Variants in ISM1 observed in about 807,000 individuals in gnomAD.
The protein encoded by ISM1 is isthmin-1.
In ISM1, 25 loss-of-function variants were observed where a neutral mutation model predicts 46.3. The ratio of observed to expected loss-of-function variants is 0.54; its 90% CI spans 0.39 to 0.75. ISM1 has a LOEUF of 0.75. ISM1 is among the 30% of genes least tolerant of loss of function. The pLI, the probability that ISM1 is intolerant of heterozygous loss-of-function variation, is 0.00. For missense variants in ISM1, 536 were observed against 625.4 expected (o/e 0.86, Z 1.52); for synonymous variants, 255 against 256.7 (o/e 0.99, Z 0.06).
Position 13,299,548 on chromosome 20 carries a change from T to G in ISM1, c.*89T>G. 1 of 1,194,228 alleles carries G rather than the reference T, an allele frequency of 8.4e-7. No homozygotes were observed. Among genetic ancestry groups the G allele is most frequent in the Non-Finnish European group, 1.2e-6 (1 of 847,234 alleles). 74.0% of individuals were successfully genotyped at this position (1,194,228 alleles called of 1,614,324 possible). A position where few individuals can be genotyped will look rare whatever the true frequency, so the allele number is the denominator to read the frequency against. On this transcript the variant is annotated 3_prime_UTR_variant, in exon 6 of 6. Coordinates refer to ENST00000262487, the MANE Select transcript of ISM1 (RefSeq NM_080826.2). The surrounding 1 kb of genome is among the most constrained non-coding windows in gnomAD (Gnocchi z 5.8). ...GTGCCGACTGGCGCCGAGACCTTCA[T>G]AGCTGCGGTCGTGTATATTTGTATA...
the ISM1 span, among the ~76,000 whole-genome samples, chr20:13,324,711 CT>C: frequency 6.6e-6 from 1 of 152,216 alleles, no homozygotes; most frequent in African/African-American, 2.4e-5. Context: ...GGCATAATCT[CT>C]TCTTGAGGTT....
Position 13,300,465 on chromosome 20 carries a change from CAAAA to C in ISM1, c.*1011_*1014del, listed in dbSNP as rs947813339. On this transcript the variant is annotated 3_prime_UTR_variant, in exon 6 of 6. Transcript: ENST00000262487. ...CTTAGTTTTTTATGTTTTAAGAAAACAAAAAAAACTGCATTATTTTTGTAAAGTA... is the reference window on the plus strand; with the variant it reads ...CTTAGTTTTTTATGTTTTAAGAAAACAAAACTGCATTATTTTTGTAAAGTA... The C allele has an allele frequency of 6.6e-6, 1 of 151,434 alleles. No individual in the cohort carries two copies. The highest frequency in any genetic ancestry group is 1.5e-5 in the Non-Finnish European group (1 of 67,822). The allele number at this position is 151,434 out of a possible 1,614,324, so 9.4% of individuals were successfully genotyped here.
chr20:13,275,087 A>G (rs972055851), intron 2 of ISM1, among the ~76,000 whole-genome samples: 2 of 152,224 alleles, frequency 1.3e-5, no homozygotes, highest in African/African-American at 4.8e-5. Flanking sequence ...GGCTTACTAC[A>G]TTGGTTCATT....
intron 1 of ISM1, chr20:13,238,120 AAAAAAAAG>A (rs896927773): frequency 3.9e-4 from 32 of 82,054 alleles, no homozygotes; most frequent in Non-Finnish European, 7.1e-4. Flanking sequence ...CTTAAAATTT[AAAAAAAAG>A]AATACTTTTG....
At chr20:13,292,236 G>A in intron 4 of ISM1, 138 bp from the exon 5 acceptor site, 1 of 617,592 alleles carries the variant, frequency 1.6e-6, no homozygotes, top group Non-Finnish European at 2.9e-6. Context: ...TGTTTCCTCT[G>A]TTGGCAAGTT....
At chr20:13,290,613 G>A (rs1053319438) in intron 4 of ISM1, among the ~76,000 whole-genome samples, 6 of 152,050 alleles carry the variant, frequency 3.9e-5, no homozygotes, top group Non-Finnish European at 7.4e-5. Flanking sequence ...AGCCGAGATC[G>A]GGCCACTGCA....
At chr20:13,276,847 A>T (rs1399705710) in intron 2 of ISM1, among the ~76,000 whole-genome samples, 1 of 152,202 alleles carries the variant, frequency 6.6e-6, no homozygotes, top group Non-Finnish European at 1.5e-5. Flanking sequence ...AGTCTTTTTA[A>T]TTGGATGCCT....
chr20:13,246,485 C>T (rs1298360495), intron 1 of ISM1, among the ~76,000 whole-genome samples: 1 of 152,130 alleles, frequency 6.6e-6, no homozygotes, highest in African/African-American at 2.4e-5. Flanking sequence ...TCTGTTATAC[C>T]CATGGCATGC....
downstream of ISM1, among the ~76,000 whole-genome samples, chr20:13,302,040 GT>G (rs2040462452): frequency 1.3e-5 from 2 of 152,176 alleles, no homozygotes; most frequent in Admixed American, 6.5e-5. Flanking sequence ...AGTACTTGGT[GT>G]TTTCTGAAAA....
chr20:13,262,074 T>C (rs1432862432), intron 1 of ISM1, among the ~76,000 whole-genome samples: 2 of 152,210 alleles, frequency 1.3e-5, no homozygotes, highest in Non-Finnish European at 2.9e-5. Flanking sequence ...CCTCTTCAAA[T>C]TGGGTCCTGG....
the ISM1 span, among the ~76,000 whole-genome samples, chr20:13,316,879 CA>C: frequency 6.6e-6 from 1 of 151,696 alleles, no homozygotes; most frequent in African/African-American, 2.4e-5. Flanking sequence ...AGGTACAAAG[CA>C]AAAACATCCC....
the ISM1 span, among the ~76,000 whole-genome samples, chr20:13,310,926 G>A: frequency 6.6e-6 from 1 of 152,224 alleles, no homozygotes; most frequent in East Asian, 1.9e-4. Context: ...AGGCACGGTG[G>A]CTCACGCCTG....
Position 13,227,610 on chromosome 20 carries a change from G to A in ISM1, c.138+5696G>A, listed in dbSNP as rs369628801. The stretch of plus-strand genomic sequence containing the variant: ...TTCAAACTCTGCCTCCTGGCTTCAC[G>A]CCATTCTCCTGCTTCAGCCTCCCGG... On this transcript the variant is annotated intron_variant, in intron 1 of 5. Coordinates refer to ENST00000262487, the MANE Select transcript of ISM1 (RefSeq NM_080826.2). Among the ~76,000 whole-genome samples the A allele has an allele frequency of 2.4e-4, 35 of 148,472 alleles. 1 individual carries two copies. The highest frequency in any genetic ancestry group is 1.2e-3 in the Admixed American group (18 of 14,822).
At chr20:13,229,816 C>T (rs73091469) in intron 1 of ISM1, among the ~76,000 whole-genome samples, 14,219 of 152,122 alleles carry the variant, frequency 0.093, 888 homozygotes, top group East Asian at 0.17. Context: ...CCACTTGTTT[C>T]ATATCTACCA....
At chr20:13,310,534 C>G in the ISM1 span, among the ~76,000 whole-genome samples, 5 of 151,972 alleles carry the variant, frequency 3.3e-5, no homozygotes, top group African/African-American at 1.2e-4. Flanking sequence ...GTCTCCTGCC[C>G]AAATATGTAG....
chr20:13,263,113 T>C (rs535941497), intron 1 of ISM1, among the ~76,000 whole-genome samples: 1 of 152,238 alleles, frequency 6.6e-6, no homozygotes, highest in African/African-American at 2.4e-5. Flanking sequence ...CTGCCAGCAA[T>C]AGTTCCTAAA....
downstream of ISM1, among the ~76,000 whole-genome samples, chr20:13,302,277 A>T (rs764494997): frequency 6.6e-6 from 1 of 152,112 alleles, no homozygotes; most frequent in Non-Finnish European, 1.5e-5. Flanking sequence ...GGTAAATTGG[A>T]GGGGAGGGCT....
intron 1 of ISM1, among the ~76,000 whole-genome samples, chr20:13,235,450 T>C (rs1366554250): frequency 6.6e-6 from 1 of 152,076 alleles, no homozygotes; most frequent in Non-Finnish European, 1.5e-5. Flanking sequence ...CTGTGTCCCA[T>C]TCAGTAAAAT....
At chr20:13,306,053 T>C in the ISM1 span, among the ~76,000 whole-genome samples, 9 of 151,114 alleles carry the variant, frequency 6.0e-5, no homozygotes, top group South Asian at 1.5e-3. Context: ...TGTGCCCTTA[T>C]AGATATTCAC....
Sources: gnomAD v4.1 joint callset for allele counts (sites outside exome capture counted in the v4.1 genomes callset) on GRCh38, gnomAD v4.1.1 for gene constraint, Gnocchi (gnomAD v3.1) non-coding constraint, MANE v1.5 for transcripts, NCBI Gene and HGNC (gene_info 2026-07-23, HGNC 2026-07-21) for gene names.